Variants in TRPM3 observed in about 807,000 individuals in gnomAD.
TRPM3 encodes transient receptor potential cation channel subfamily M member 3.
In TRPM3, 77 loss-of-function variants were observed where a neutral mutation model predicts 181.2. The ratio of observed to expected loss-of-function variants is 0.42; its 90% CI spans 0.35 to 0.51. The LOEUF (loss-of-function observed/expected upper bound fraction) is 0.51. TRPM3 is among the 20% of genes least tolerant of loss of function. TRPM3 has a pLI of 0.01. For synonymous variants in TRPM3, 745 were observed against 796.4 expected (o/e 0.94, Z 1.09); for missense variants, 1,759 against 2,196.7 (o/e 0.80, Z 3.98).
At chr9:71,140,895 T>C (rs2075061305) in intron 1 of TRPM3, among the ~76,000 whole-genome samples, 1 of 152,180 alleles carries the variant, frequency 6.6e-6, no homozygotes, top group African/African-American at 2.4e-5. Flanking sequence ...TGGCTCTGCC[T>C]GGGGAGACCC....
At chr9:71,247,392 T>C (rs2082096089) in intron 1 of TRPM3, among the ~76,000 whole-genome samples, 1 of 146,110 alleles carries the variant, frequency 6.8e-6, no homozygotes, top group African/African-American at 2.6e-5. Flanking sequence ...ATAATAATAG[T>C]TGAGAGGGTG....
intron 1 of TRPM3, among the ~76,000 whole-genome samples, chr9:70,882,265 T>C (rs1218281158): frequency 1.3e-5 from 2 of 152,180 alleles, no homozygotes; most frequent in Non-Finnish European, 2.9e-5. Context: ...AGAGTCTTTA[T>C]CCTTCTGAGA....
At chr9:71,224,682 A>C (rs1395161399) in intron 1 of TRPM3, among the ~76,000 whole-genome samples, 2 of 152,208 alleles carry the variant, frequency 1.3e-5, no homozygotes, top group East Asian at 3.8e-4. Flanking sequence ...GAATCCTATC[A>C]GATATATGTA....
chr9:71,441,758 G>A (rs1406505092), intron 1 of TRPM3, among the ~76,000 whole-genome samples: 1 of 151,248 alleles, frequency 6.6e-6, no homozygotes, highest in South Asian at 2.1e-4. Context: ...TCAGCCTCCT[G>A]AGTAGCTGGG....
chr9:70,543,236 A>G (rs1327678358), intron 25 of TRPM3, among the ~76,000 whole-genome samples: 1 of 152,170 alleles, frequency 6.6e-6, no homozygotes, highest in African/African-American at 2.4e-5. Context: ...GTAGGTGTAT[A>G]TATTTATGGA....
chr9:71,115,087 T>C (rs1298804048), intron 1 of TRPM3, among the ~76,000 whole-genome samples: 1 of 152,196 alleles, frequency 6.6e-6, no homozygotes, highest in African/African-American at 2.4e-5. Flanking sequence ...ATTCTGAAAA[T>C]CTGAGAACTG....
intron 8 of TRPM3, among the ~76,000 whole-genome samples, chr9:70,744,358 G>A (rs1216122134): frequency 6.6e-6 from 1 of 151,272 alleles, no homozygotes; most frequent in East Asian, 1.9e-4. Flanking sequence ...AGAAAAAAGA[G>A]AAAGAAAAAG....
intron 6 of TRPM3, among the ~76,000 whole-genome samples, chr9:70,811,968 C>T (rs960249803): frequency 2.0e-5 from 3 of 152,084 alleles, no homozygotes. Flanking sequence ...GTCATCAAAA[C>T]CATTTCAGTA....
At chr9:71,229,366 C>G (rs1199357772) in intron 1 of TRPM3, among the ~76,000 whole-genome samples, 1 of 152,044 alleles carries the variant, frequency 6.6e-6, no homozygotes, top group Non-Finnish European at 1.5e-5. Flanking sequence ...CGAAACCACT[C>G]AAAGAAAACT....
At chr9:70,990,173 C>G (rs2097463980) in intron 1 of TRPM3, among the ~76,000 whole-genome samples, 1 of 152,170 alleles carries the variant, frequency 6.6e-6, no homozygotes, top group Non-Finnish European at 1.5e-5. Context: ...ACAAGATGCA[C>G]TATTTCTCTC....
At chr9:70,975,336 A>G (rs897546285) in intron 1 of TRPM3, among the ~76,000 whole-genome samples, 1 of 152,198 alleles carries the variant, frequency 6.6e-6, no homozygotes, top group African/African-American at 2.4e-5. Flanking sequence ...TGTTACTTGT[A>G]CCACAGCCAT....
At position 70,747,291 on chromosome 9, in the gene TRPM3, G is replaced by GGT. The variant is rs141058772; in HGVS notation, c.1272+14308_1272+14309dup. On this transcript the variant is annotated intron_variant, in intron 8 of 25. Coordinates refer to ENST00000677713, the MANE Select transcript of TRPM3 (RefSeq NM_001366145.2). The stretch of plus-strand genomic sequence containing the variant: ...AAATAAAGGAGGCAAATGGATTCCA[G>GGT]GTGTGTGTGTGTGTGTACACATGCA... Among the ~76,000 whole-genome samples the GGT allele has an allele frequency of 4.1e-3, 619 of 151,238 alleles. 6 individuals are homozygous for GGT. Among genetic ancestry groups the GGT allele is most frequent in the African/African-American group, 0.014 (576 of 41,374 alleles).
intron 1 of TRPM3, among the ~76,000 whole-genome samples, chr9:71,154,226 T>G (rs1030695403): frequency 5.3e-5 from 8 of 152,148 alleles, no homozygotes; most frequent in African/African-American, 1.9e-4. Flanking sequence ...TTTTAAAATA[T>G]AATATCCATA....
At chr9:71,209,242 T>C (rs1393720252) in intron 1 of TRPM3, among the ~76,000 whole-genome samples, 1 of 152,068 alleles carries the variant, frequency 6.6e-6, no homozygotes, top group East Asian at 1.9e-4. Flanking sequence ...AAATGATTTC[T>C]TAAATCTTAA....
At chr9:71,258,257 GGAAA>G (rs1286009985) in intron 1 of TRPM3, among the ~76,000 whole-genome samples, 2 of 152,218 alleles carry the variant, frequency 1.3e-5, no homozygotes, top group African/African-American at 4.8e-5. Context: ...TTTCAGATGG[GGAAA>G]CTGAGGTTAA....
rs544910324 is a variant in TRPM3 at position 70,761,296 on chromosome 9, C to T, written c.1272+305G>A. 2.0e-4 allele frequency: 122 copies of T among 603,792 alleles called. 4 individuals are homozygous for T. The highest frequency in any genetic ancestry group is 1.9e-3 in the South Asian group (94 of 48,808). 37.4% of individuals were successfully genotyped at this position (603,792 alleles called of 1,614,324 possible). ...GAAACCTAAGAAGATCAAGCTGAAG[C>T]GTTCTCCAGGAGGGGACCAATTTTA... is the stretch of plus-strand genomic sequence containing the variant. On this transcript the variant is annotated intron_variant, in intron 8 of 25. Coordinates refer to ENST00000677713, the MANE Select transcript of TRPM3 (RefSeq NM_001366145.2).
intron 1 of TRPM3, among the ~76,000 whole-genome samples, chr9:71,306,263 G>A (rs1354778599): frequency 1.3e-5 from 2 of 152,178 alleles, no homozygotes; most frequent in African/African-American, 2.4e-5. Context: ...GGACTGAACA[G>A]GAGATCCCTG....
At chr9:70,794,975 A>T (rs1464388910) in intron 6 of TRPM3, among the ~76,000 whole-genome samples, 1 of 152,238 alleles carries the variant, frequency 6.6e-6, no homozygotes, top group African/African-American at 2.4e-5. Context: ...TACTGAATAC[A>T]TACAGACATT....
At chr9:70,914,130 T>A (rs914459018) in intron 1 of TRPM3, among the ~76,000 whole-genome samples, 5 of 152,140 alleles carry the variant, frequency 3.3e-5, no homozygotes, top group African/African-American at 1.2e-4. Flanking sequence ...GAGGTAATAT[T>A]TAGGTCATGA....
Sources: allele counts gnomAD v4.1 joint callset (sites outside exome capture counted in the v4.1 genomes callset), GRCh38; gene constraint gnomAD v4.1.1; transcripts MANE v1.5; gene names NCBI Gene and HGNC (gene_info 2026-07-23, HGNC 2026-07-21).